The following FSTL1 variants were observed in gnomAD, a reference collection of about 807,000 sequenced individuals.
FSTL1 encodes follistatin-related protein 1.
Under a neutral mutation model 45.9 loss-of-function variants are expected in FSTL1, and 24 were observed. The ratio of observed to expected loss-of-function variants is 0.52; its 90% CI spans 0.38 to 0.74. The LOEUF is 0.74. Ranked by LOEUF, FSTL1 falls within the 30% of genes least tolerant of loss-of-function variation. The pLI is 0.00. For missense variants in FSTL1, 340 were observed against 381.8 expected (o/e 0.89, Z 0.91); for synonymous variants, 120 against 137.6 (o/e 0.87, Z 0.89).
At chr3:120,442,721 T>G (rs1170336598) in intron 2 of FSTL1, among the ~76,000 whole-genome samples, 1 of 142,636 alleles carries the variant, frequency 7.0e-6, no homozygotes, top group Non-Finnish European at 1.5e-5. Flanking sequence ...CAGAGGAGGT[T>G]GCAGTGAGCC....
chr3:120,436,113 C>A (rs1403771367), intron 2 of FSTL1, among the ~76,000 whole-genome samples: 2 of 82,180 alleles, frequency 2.4e-5, no homozygotes, highest in Non-Finnish European at 7.6e-5. Flanking sequence ...AAAACAACCC[C>A]AACATGGTTT....
chr3:120,397,751 T>C (rs1014788152), intron 10 of FSTL1, among the ~76,000 whole-genome samples: 2 of 152,226 alleles, frequency 1.3e-5, no homozygotes, highest in South Asian at 2.1e-4. Flanking sequence ...ATTCCACTTC[T>C]AGGTAAATAC....
intron 2 of FSTL1, 130 bp from the exon 3 acceptor site, chr3:120,416,157 A>G: frequency 1.4e-6 from 1 of 712,506 alleles, no homozygotes; most frequent in Non-Finnish European, 2.5e-6. Context: ...AAACAGCTAG[A>G]TGTTGGGTCT....
At chr3:120,441,631 C>T (rs527427102) in intron 2 of FSTL1, among the ~76,000 whole-genome samples, 5 of 152,346 alleles carry the variant, frequency 3.3e-5, no homozygotes, top group African/African-American at 4.8e-5. Context: ...CACATATACA[C>T]GTGCGTGAAT....
intron 2 of FSTL1, among the ~76,000 whole-genome samples, chr3:120,429,303 G>A (rs1318732819): frequency 6.6e-6 from 1 of 152,250 alleles, no homozygotes; most frequent in African/African-American, 2.4e-5. Context: ...GGAGCTGAGT[G>A]AGGATCAGTG....
chr3:120,395,937 T>C lies in FSTL1; in HGVS notation c.*1015A>G. On this transcript the variant is annotated 3_prime_UTR_variant, in exon 11 of 11. Transcript: ENST00000295633. ...CTTGGGAATACTGATTTGCCTCAAC[T>C]TCTCAGAATAAATAAAAACAAATTA... is the stretch of plus-strand genomic sequence containing the variant. 3.2e-6 allele frequency: 1 copy of C among 311,052 alleles called. No homozygotes were observed. Among genetic ancestry groups the C allele is most frequent in the Non-Finnish European group, 6.2e-6 (1 of 161,386 alleles). 19.3% of individuals were successfully genotyped at this position (311,052 alleles called of 1,614,324 possible).
At chr3:120,424,129 C>G (rs1407151483) in intron 2 of FSTL1, 1 of 152,232 alleles carries the variant, frequency 6.6e-6, no homozygotes, top group Non-Finnish European at 1.5e-5. Context: ...ATGGCGCAAG[C>G]TCCGTGGCAT....
intron 2 of FSTL1, among the ~76,000 whole-genome samples, chr3:120,432,638 CAT>C (rs1937498780): frequency 6.6e-6 from 1 of 152,216 alleles, no homozygotes; most frequent in Non-Finnish European, 1.5e-5. Context: ...TTCCAAGTAT[CAT>C]GTAACAATAT....
At chr3:120,405,329 G>A (rs1201397777) in intron 6 of FSTL1, among the ~76,000 whole-genome samples, 2 of 152,214 alleles carry the variant, frequency 1.3e-5, no homozygotes, top group Non-Finnish European at 2.9e-5. Flanking sequence ...TGATGAACAT[G>A]TAACAAGAGT....
chr3:120,412,460 C>T (rs983330367), intron 3 of FSTL1, among the ~76,000 whole-genome samples: 10 of 152,336 alleles, frequency 6.6e-5, no homozygotes, highest in South Asian at 2.1e-4. Context: ...AAGGTGCCAT[C>T]TTGGAAGTTA....
intron 2 of FSTL1, among the ~76,000 whole-genome samples, chr3:120,436,182 C>T (rs1221677418): frequency 6.6e-6 from 1 of 152,204 alleles, no homozygotes; most frequent in African/African-American, 2.4e-5. Flanking sequence ...AAAGACTCTT[C>T]TCCAATTGTA....
intron 6 of FSTL1, among the ~76,000 whole-genome samples, chr3:120,407,385 G>T (rs1936967132): frequency 6.6e-6 from 1 of 152,184 alleles, no homozygotes; most frequent in Non-Finnish European, 1.5e-5. Context: ...ACACCCAGAT[G>T]AAATTAGGAA....
At chr3:120,405,772 C>T (rs779353237) in intron 6 of FSTL1, among the ~76,000 whole-genome samples, 19 of 152,218 alleles carry the variant, frequency 1.2e-4, no homozygotes, top group Non-Finnish European at 2.4e-4. Context: ...ACTGAGACCT[C>T]AGCCATCTGG....
intron 6 of FSTL1, among the ~76,000 whole-genome samples, chr3:120,406,729 G>A (rs893550801): frequency 3.3e-5 from 5 of 151,984 alleles, no homozygotes; most frequent in South Asian, 2.1e-4. Context: ...CATGGACCAT[G>A]AACCAACCTA....
intron 2 of FSTL1, among the ~76,000 whole-genome samples, chr3:120,437,054 T>C (rs1012159838): frequency 3.3e-5 from 5 of 152,336 alleles, no homozygotes; most frequent in Admixed American, 2.6e-4. Flanking sequence ...GCCTCTCTGA[T>C]AGAAATTCCA....
intron 10 of FSTL1, among the ~76,000 whole-genome samples, 179 bp from the exon 11 acceptor site, chr3:120,397,175 A>G (rs1479592214): frequency 6.6e-6 from 1 of 152,230 alleles, no homozygotes; most frequent in Admixed American, 6.5e-5. Flanking sequence ...TGGCCTATTC[A>G]TGACATGGTC....
chr3:120,417,495 TTTTTTG>T (rs1333857676), intron 2 of FSTL1, among the ~76,000 whole-genome samples: 3 of 152,186 alleles, frequency 2.0e-5, no homozygotes, highest in African/African-American at 7.2e-5. Context: ...AAACCAATTC[TTTTTTG>T]AATGTTGCTA....
intron 6 of FSTL1, among the ~76,000 whole-genome samples, chr3:120,408,235 G>C (rs756735747): frequency 9.2e-5 from 14 of 152,202 alleles, no homozygotes; most frequent in Non-Finnish European, 1.8e-4. Context: ...TTTTTCTGTA[G>C]AAGAGGAACC....
At chr3:120,418,171 T>A (rs963998043) in intron 2 of FSTL1, among the ~76,000 whole-genome samples, 1 of 152,244 alleles carries the variant, frequency 6.6e-6, no homozygotes, top group Non-Finnish European at 1.5e-5. Flanking sequence ...TTATAACAAC[T>A]AATATTTGAA....
Sources: allele counts gnomAD v4.1 joint callset (sites outside exome capture counted in the v4.1 genomes callset), GRCh38; gene constraint gnomAD v4.1.1; transcripts MANE v1.5; gene names NCBI Gene and HGNC (gene_info 2026-07-23, HGNC 2026-07-21).